The following COG6 variants were observed in gnomAD, a reference collection of about 807,000 sequenced individuals.
COG6 encodes conserved oligomeric Golgi complex subunit 6.
Under a neutral mutation model 88.8 loss-of-function variants are expected in COG6, and 74 were observed. The observed-to-expected ratio is 0.83, with a 90% CI of 0.69 to 1.01. The LOEUF (loss-of-function observed/expected upper bound fraction) is 1.01, where lower values mean the gene tolerates loss of function less well. Ranked by LOEUF, COG6 falls within the 50% of genes least tolerant of loss-of-function variation. The pLI, the probability that COG6 is intolerant of heterozygous loss-of-function variation, is 0.00. For synonymous variants in COG6, 286 were observed against 278.7 expected (o/e 1.03, Z -0.26); for missense variants, 800 against 797.9 (o/e 1.00, Z -0.03).
At chr13:39,742,702 G>GA (rs1880113824) in intron 18 of COG6, among the ~76,000 whole-genome samples, 2 of 152,254 alleles carry the variant, frequency 1.3e-5, no homozygotes, top group South Asian at 4.1e-4. Context: ...CAACGAGACA[G>GA]AAAGTTAACA....
chr13:39,758,142 C>T (rs1880899548), intron 18 of COG6, among the ~76,000 whole-genome samples: 1 of 149,694 alleles, frequency 6.7e-6, no homozygotes, highest in Non-Finnish European at 1.5e-5. Context: ...ATCACTTGAA[C>T]CTGGGAGGTG....
At chr13:39,715,881 A>G (rs1386788660) in intron 13 of COG6, among the ~76,000 whole-genome samples, 2 of 152,032 alleles carry the variant, frequency 1.3e-5, no homozygotes, top group African/African-American at 4.8e-5. Context: ...GAGCACAAAG[A>G]TGAAAATTTT....
chr13:39,671,395 GC>G (rs1377769079), intron 4 of COG6, among the ~76,000 whole-genome samples: 1 of 151,268 alleles, frequency 6.6e-6, no homozygotes, highest in Non-Finnish European at 1.5e-5. Context: ...ATACAAAAGA[GC>G]TTTTTTTTTT....
intron 13 of COG6, among the ~76,000 whole-genome samples, chr13:39,715,277 A>ACG (rs1566192459): frequency 1.3e-5 from 2 of 151,526 alleles, no homozygotes; most frequent in African/African-American, 4.9e-5. Flanking sequence ...CTCTCTATAC[A>ACG]CACACACACA....
intron 18 of COG6, among the ~76,000 whole-genome samples, chr13:39,738,710 A>G (rs1163450870): frequency 2.0e-5 from 3 of 152,216 alleles, no homozygotes; most frequent in Non-Finnish European, 4.4e-5. Context: ...CAAAAGATAT[A>G]CCATGCAAGC....
At chr13:39,697,685 T>C (rs1402237926) in intron 12 of COG6, among the ~76,000 whole-genome samples, 1 of 151,930 alleles carries the variant, frequency 6.6e-6, no homozygotes, top group Admixed American at 6.6e-5. Context: ...CTTGGAGCCC[T>C]CATTCCCCTC....
At chr13:39,742,033 C>G (rs1250173591) in intron 18 of COG6, among the ~76,000 whole-genome samples, 1 of 152,094 alleles carries the variant, frequency 6.6e-6, no homozygotes, top group Non-Finnish European at 1.5e-5. Context: ...AAATAAAATC[C>G]TTTACAGACA....
chr13:39,712,085 C>T (rs1445820891), intron 13 of COG6, among the ~76,000 whole-genome samples: 1 of 152,192 alleles, frequency 6.6e-6, no homozygotes, highest in African/African-American at 2.4e-5. Context: ...GTCTCGAACT[C>T]CTGACCTCAG....
chr13:39,655,640 G>C, upstream of COG6: 2 of 1,467,204 alleles, frequency 1.4e-6, no homozygotes, highest in Non-Finnish European at 9.3e-7. Flanking sequence ...GCGCATGCGC[G>C]GCCGATTTGC....
At chr13:39,662,577 A>G (rs973692005) in intron 3 of COG6, among the ~76,000 whole-genome samples, 2 of 152,196 alleles carry the variant, frequency 1.3e-5, no homozygotes, top group African/African-American at 4.8e-5. Context: ...GTTCAAATTG[A>G]TAGGCTTGGC....
downstream of COG6, among the ~76,000 whole-genome samples, chr13:39,755,635 G>C (rs1052095717): frequency 6.6e-6 from 1 of 152,178 alleles, no homozygotes; most frequent in Non-Finnish European, 1.5e-5. Flanking sequence ...CTGTGTGCAT[G>C]TTCATGAATG....
intron 18 of COG6, among the ~76,000 whole-genome samples, chr13:39,737,023 T>G (rs1341166553): frequency 6.6e-6 from 1 of 152,206 alleles, no homozygotes; most frequent in Non-Finnish European, 1.5e-5. Context: ...TGCAGCCATA[T>G]CTACATTAGG....
At chr13:39,715,269 C>CTCTT (rs1878467789) in intron 13 of COG6, among the ~76,000 whole-genome samples, 1 of 118,240 alleles carries the variant, frequency 8.5e-6, no homozygotes, top group South Asian at 3.6e-4. Context: ...CTCTCTCTCT[C>CTCTT]TCTATACACA....
At chr13:39,678,196 A>G in intron 5 of COG6, 1 of 347,206 alleles carries the variant, frequency 2.9e-6, no homozygotes, top group Non-Finnish European at 5.5e-6. Context: ...CCTCCCAGGT[A>G]GCTAGGGTAT....
intron 4 of COG6, among the ~76,000 whole-genome samples, chr13:39,668,937 AT>A (rs911844114): frequency 6.6e-6 from 1 of 152,164 alleles, no homozygotes; most frequent in African/African-American, 2.4e-5. Flanking sequence ...TCTTATTCAG[AT>A]TTTGCAGTTT....
At chr13:39,681,159 C>T (rs1008588553) in intron 7 of COG6, among the ~76,000 whole-genome samples, 1 of 152,198 alleles carries the variant, frequency 6.6e-6, no homozygotes, top group Non-Finnish European at 1.5e-5. Flanking sequence ...ATAGGTGTTA[C>T]CAACTGACTG....
intron 8 of COG6, among the ~76,000 whole-genome samples, chr13:39,683,434 A>G (rs4586300): frequency 0.72 from 109,882 of 152,028 alleles, 40,001 homozygotes; most frequent in Admixed American, 0.81. Flanking sequence ...TAATGCAAAG[A>G]TATACATTGA....
chr13:39,751,064 CCGCAGCAAG>C lies in COG6; in HGVS notation c.1946_1954del (p.Pro649_Val652delinsLeu). The C allele has an allele frequency of 6.2e-7, 1 of 1,613,708 alleles. No individual in the cohort carries two copies. Among genetic ancestry groups the C allele is most frequent in the Non-Finnish European group, 8.5e-7 (1 of 1,179,810 alleles). On this transcript the variant is annotated inframe_deletion, in exon 19 of 19. Transcript: ENST00000455146. ...TCCAGAGAACATTCTTCACCGATCG[CCGCAGCAAG>C]TGCAGACGCTTCTTTCCTGATTATC... is the stretch of plus-strand genomic sequence containing the variant.
intron 18 of COG6, among the ~76,000 whole-genome samples, chr13:39,735,735 A>C (rs1879709931): frequency 7.1e-6 from 1 of 140,358 alleles, no homozygotes; most frequent in African/African-American, 2.6e-5. Context: ...TGGTCTGGGA[A>C]AGCCTTTATT....
Sources: allele counts gnomAD v4.1 joint callset (sites outside exome capture counted in the v4.1 genomes callset), GRCh38; gene constraint gnomAD v4.1.1; transcripts MANE v1.5; gene names NCBI Gene and HGNC (gene_info 2026-07-23, HGNC 2026-07-21).